The following PSD3 variants were observed in gnomAD, a reference collection of about 807,000 sequenced individuals.
PSD3 encodes the protein PH and SEC7 domain-containing protein 3.
Under a neutral mutation model 105.5 loss-of-function variants are expected in PSD3, and 49 were observed. That is an observed-to-expected ratio of 0.46 (90% CI 0.37 to 0.59). The LOEUF is 0.59. Among genes scored for constraint, PSD3 ranks in the 20% least tolerant of loss-of-function variants. The pLI, the probability that PSD3 is intolerant of heterozygous loss-of-function variation, is 0.00. For missense variants in PSD3, 1,561 were observed against 1,263.8 expected (o/e 1.24, Z -3.57); for synonymous variants, 557 against 457.8 (o/e 1.22, Z -2.77).
chr8:18,796,852 G>A (rs12549839), intron 8 of PSD3, among the ~76,000 whole-genome samples: 3,672 of 152,254 alleles, frequency 0.024, 164 homozygotes, highest in East Asian at 0.14. Context: ...ATCGGATCAA[G>A]TAATGGGTGG....
chr8:19,013,574 T>C lies in PSD3; in HGVS notation c.10A>G (p.Arg4Gly). ...GCCCCGGAGCTCACCGCTGCGCTCC[T>C]TCCTTCCATCTTCCATCGCCAGCCC... MEGRSAAAETFVWV... is the reference protein window; with the variant it reads MEGGSAAAETFVWV... The change falls in exon 1 of 16, where the codon AGG becomes GGG. Residue 4 changes from arginine to glycine, a missense_variant. By Grantham distance (125) the Arg-to-Gly change is moderately radical. Transcript: ENST00000327040. 2.6e-6 allele frequency: 4 copies of C among 1,543,178 alleles called. No homozygotes were observed. The highest frequency in any genetic ancestry group is 3.5e-6 in the Non-Finnish European group (4 of 1,153,744).
intron 4 of PSD3, among the ~76,000 whole-genome samples, chr8:18,824,613 C>A (rs189045964): frequency 6.6e-6 from 1 of 152,178 alleles, no homozygotes; most frequent in Non-Finnish European, 1.5e-5. Context: ...TTAAATTCTG[C>A]GCAATTCCCA....
intron 4 of PSD3, among the ~76,000 whole-genome samples, chr8:18,829,703 G>A (rs1813523765): frequency 6.6e-6 from 1 of 152,090 alleles, no homozygotes; most frequent in Non-Finnish European, 1.5e-5. Flanking sequence ...CGACTGACAT[G>A]ACTTCACAAT....
intron 9 of PSD3, among the ~76,000 whole-genome samples, chr8:18,713,936 A>G (rs1318945852): frequency 1.3e-5 from 2 of 152,210 alleles, no homozygotes; most frequent in Non-Finnish European, 2.9e-5. Context: ...AAACAGACAC[A>G]TAGACCAATG....
chr8:19,021,793 T>G (rs1360063724), intron 1 of PSD3, among the ~76,000 whole-genome samples: 1 of 152,222 alleles, frequency 6.6e-6, no homozygotes, highest in Non-Finnish European at 1.5e-5. Flanking sequence ...ATTCAATAAT[T>G]AAACTATGCA....
chr8:18,727,251 C>T lies in PSD3; in HGVS notation c.2172+38198G>A, dbSNP rs1214572567. Among the ~76,000 whole-genome samples the T allele has an allele frequency of 4.8e-5, 7 of 146,182 alleles. No individual in the cohort carries two copies. In the South Asian group the frequency reaches 8.6e-4, roughly 18 times the overall value. ...ACTCTAGAAGCTGAGGCAGGAGAATCGATTGAACCTGGGAGGCGGAGGTTG... is the reference window on the plus strand; with the variant it reads ...ACTCTAGAAGCTGAGGCAGGAGAATTGATTGAACCTGGGAGGCGGAGGTTG... On this transcript the variant is annotated intron_variant, in intron 9 of 15. Transcript: ENST00000327040.
At chr8:18,638,871 T>C (rs1271224863) in intron 10 of PSD3, among the ~76,000 whole-genome samples, 1 of 152,192 alleles carries the variant, frequency 6.6e-6, no homozygotes, top group East Asian at 1.9e-4. Flanking sequence ...ATGATACTGG[T>C]ATAAAAACAG....
At chr8:18,793,680 AGCTTTCATG>A (rs1438091863) in intron 8 of PSD3, among the ~76,000 whole-genome samples, 2 of 152,208 alleles carry the variant, frequency 1.3e-5, no homozygotes, top group African/African-American at 4.8e-5. Flanking sequence ...TGCCAACGAT[AGCTTTCATG>A]GCAGATGGCA....
chr8:18,571,720 A>G (rs1376419952), intron 14 of PSD3, among the ~76,000 whole-genome samples: 1 of 152,222 alleles, frequency 6.6e-6, no homozygotes, highest in East Asian at 1.9e-4. Context: ...GACACATCTT[A>G]TGATATCAAA....
intron 9 of PSD3, among the ~76,000 whole-genome samples, chr8:18,742,943 G>T (rs75956835): frequency 0.015 from 2,336 of 152,248 alleles, 45 homozygotes; most frequent in Middle Eastern, 0.048. Flanking sequence ...AGTTTTAAGT[G>T]GCTGAGAGCA....
chr8:18,835,661 G>C (rs1413166828), intron 4 of PSD3, among the ~76,000 whole-genome samples: 4 of 152,224 alleles, frequency 2.6e-5, no homozygotes, highest in African/African-American at 9.6e-5. Context: ...AGGCAGGCAG[G>C]TAAGTGCCCA....
At chr8:18,563,362 G>C (rs1056436124) in intron 14 of PSD3, among the ~76,000 whole-genome samples, 3 of 151,976 alleles carry the variant, frequency 2.0e-5, no homozygotes, top group Admixed American at 1.3e-4. Context: ...TTTAAGTGAA[G>C]ATACAGAGGG....
chr8:18,883,032 G>C (rs1818219765), intron 2 of PSD3, among the ~76,000 whole-genome samples: 1 of 152,062 alleles, frequency 6.6e-6, no homozygotes, highest in African/African-American at 2.4e-5. Flanking sequence ...GTGTGGTCTT[G>C]AGAAAGCAGC....
rs1799525577 is a variant in PSD3 at position 18,528,794 on chromosome 8, C to G, written c.*6949G>C. 1.3e-5 allele frequency: 2 copies of G among 152,626 alleles called. No homozygotes were observed. Among genetic ancestry groups the G allele is most frequent in the African/African-American group, 2.4e-5 (1 of 41,448 alleles). 9.5% of individuals were successfully genotyped at this position (152,626 alleles called of 1,614,324 possible). On this transcript the variant is annotated 3_prime_UTR_variant, in exon 16 of 16. Transcript: ENST00000327040. Reference sequence around the variant, plus strand: ...GAAACTCCAAAATTCTCTCCATTAACCAACATTTTCAGGAATTGAAGTTAG... The same window carrying G: ...GAAACTCCAAAATTCTCTCCATTAAGCAACATTTTCAGGAATTGAAGTTAG...
chr8:18,803,694 A>C (rs1810938947), intron 6 of PSD3, among the ~76,000 whole-genome samples: 2 of 152,144 alleles, frequency 1.3e-5, no homozygotes, highest in South Asian at 4.1e-4. Flanking sequence ...AAGGCAAATA[A>C]TGTATATATC....
intron 2 of PSD3, among the ~76,000 whole-genome samples, chr8:18,910,692 T>G (rs1820161452): frequency 6.6e-6 from 1 of 150,788 alleles, no homozygotes; most frequent in Non-Finnish European, 1.5e-5. Flanking sequence ...ATATCCTCTT[T>G]CTCTTCCAAA....
At chr8:19,006,070 G>C (rs997262487) in intron 1 of PSD3, among the ~76,000 whole-genome samples, 1 of 151,720 alleles carries the variant, frequency 6.6e-6, no homozygotes, top group Non-Finnish European at 1.5e-5. Flanking sequence ...CGAGGCAGGC[G>C]AATCATGACG....
chr8:18,576,105 T>C (rs772124567), intron 12 of PSD3, among the ~76,000 whole-genome samples: 20 of 152,140 alleles, frequency 1.3e-4, no homozygotes, highest in Non-Finnish European at 4.4e-5. Flanking sequence ...CAGTCTGCTT[T>C]TACAAATTTT....
chr8:18,976,272 G>C (rs1454804409), intron 1 of PSD3, among the ~76,000 whole-genome samples: 1 of 152,010 alleles, frequency 6.6e-6, no homozygotes, highest in Non-Finnish European at 1.5e-5. Context: ...CACAAAAAAA[G>C]AAATACAAAT....
Sources: gnomAD v4.1 joint callset for allele counts (sites outside exome capture counted in the v4.1 genomes callset) on GRCh38, gnomAD v4.1.1 for gene constraint, MANE v1.5 for transcripts, NCBI Gene and HGNC (gene_info 2026-07-23, HGNC 2026-07-21) for gene names.